Variants in RARB observed in about 807,000 individuals in gnomAD.
RARB encodes the protein HBV-activated protein.
Under a neutral mutation model 51.9 loss-of-function variants are expected in RARB, and 17 were observed. The ratio of observed to expected loss-of-function variants is 0.33; its 90% CI spans 0.22 to 0.49. The LOEUF (loss-of-function observed/expected upper bound fraction) is 0.49, where lower values mean the gene tolerates loss of function less well. Among genes scored for constraint, RARB ranks in the 20% least tolerant of loss-of-function variants. RARB has a pLI of 0.99. For missense variants in RARB, 369 were observed against 550.8 expected (o/e 0.67, Z 3.30); for synonymous variants, 215 against 195.4 (o/e 1.10, Z -0.84).
At chr3:25,484,935 G>A (rs919040692) in intron 2 of RARB, among the ~76,000 whole-genome samples, 1 of 152,050 alleles carries the variant, frequency 6.6e-6, no homozygotes, top group Admixed American at 6.5e-5. Context: ...AGCTGGGAAG[G>A]TTATAAATAT....
At chr3:25,323,691 AG>A (rs1205243888) in intron 5 of RARB, among the ~76,000 whole-genome samples, 1 of 152,228 alleles carries the variant, frequency 6.6e-6, no homozygotes, top group African/African-American at 2.4e-5. Flanking sequence ...TAGATAATGA[AG>A]GGCCACACAT....
intron 7 of RARB, 100 bp downstream of exon 7, chr3:25,594,778 T>C: frequency 8.6e-7 from 1 of 1,162,722 alleles, no homozygotes; most frequent in South Asian, 2.8e-5. Context: ...ATGGCTGCTT[T>C]TAAAGTCTTG....
At chr3:25,340,473 A>G (rs6550962) in intron 5 of RARB, among the ~76,000 whole-genome samples, 19,829 of 152,094 alleles carry the variant, frequency 0.13, 1,374 homozygotes, top group South Asian at 0.2. Flanking sequence ...GAGAGAGGAA[A>G]TAGGAATGCG....
At chr3:25,488,714 G>A (rs1696587106) in intron 2 of RARB, among the ~76,000 whole-genome samples, 1 of 152,230 alleles carries the variant, frequency 6.6e-6, no homozygotes, top group Non-Finnish European at 1.5e-5. Context: ...GGAAATAGAA[G>A]AAGAACAGTA....
chr3:25,016,676 C>T (rs1388875189), intron 2 of RARB, among the ~76,000 whole-genome samples: 1 of 151,986 alleles, frequency 6.6e-6, no homozygotes, highest in Non-Finnish European at 1.5e-5. Context: ...ATTGTGACAC[C>T]CCTCATGGTG....
In RARB at chr3:25,574,079, G is replaced by T. The variant is rs79799211; in HGVS notation, c.609+4161G>T. On this transcript the variant is annotated intron_variant, in intron 4 of 7. Transcript: ENST00000330688. ...TTCCCTGTGGAAAGGTGGAAAGCAG[G>T]AGAGAAGCTATTTATAGATGAGCTT... Among the ~76,000 whole-genome samples the T allele has an allele frequency of 2.7e-3, 406 of 152,270 alleles. 1 individual carries two copies. The highest frequency in any genetic ancestry group is 9.6e-3 in the African/African-American group (399 of 41,552).
chr3:25,193,798 A>G (rs1701161451), intron 5 of RARB, among the ~76,000 whole-genome samples: 1 of 152,036 alleles, frequency 6.6e-6, no homozygotes. Flanking sequence ...GGAGGCAACT[A>G]TATAAACGTG....
intron 5 of RARB, among the ~76,000 whole-genome samples, chr3:25,305,231 A>G (rs1263038814): frequency 3.9e-5 from 6 of 152,078 alleles, no homozygotes; most frequent in African/African-American, 1.4e-4. Context: ...TCTGTTTGCA[A>G]ATGTATCAGT....
At chr3:25,175,598 G>A (rs1314186895) in intron 5 of RARB, among the ~76,000 whole-genome samples, 1 of 152,150 alleles carries the variant, frequency 6.6e-6, no homozygotes, top group East Asian at 1.9e-4. Flanking sequence ...AGAATCCCCG[G>A]TACATTGCCT....
chr3:25,018,780 C>T (rs901465171), intron 2 of RARB, among the ~76,000 whole-genome samples: 5 of 152,198 alleles, frequency 3.3e-5, no homozygotes, highest in African/African-American at 1.2e-4. Context: ...AAAATTGTAT[C>T]ATTCCATCCA....
chr3:25,438,134 G>A (rs1349305897), intron 1 of RARB, among the ~76,000 whole-genome samples: 1 of 152,216 alleles, frequency 6.6e-6, no homozygotes, highest in African/African-American at 2.4e-5. Flanking sequence ...GGTTGTCGGT[G>A]AGAGCTCTAG....
intron 2 of RARB, among the ~76,000 whole-genome samples, chr3:24,881,112 T>G (rs957412234): frequency 6.6e-6 from 1 of 152,202 alleles, no homozygotes. Context: ...GAAAGATGTT[T>G]GGCAGTTCCT....
intron 3 of RARB, among the ~76,000 whole-genome samples, chr3:25,090,173 G>T (rs570203230): frequency 6.6e-6 from 1 of 152,128 alleles, no homozygotes; most frequent in Non-Finnish European, 1.5e-5. Context: ...GAGGGAGCTA[G>T]CTTACCTCTT....
intron 3 of RARB, among the ~76,000 whole-genome samples, chr3:25,110,837 C>A (rs1380149560): frequency 6.6e-6 from 1 of 152,152 alleles, no homozygotes; most frequent in Admixed American, 6.5e-5. Flanking sequence ...CCCCAGGTAT[C>A]AAAATATCTC....
Position 25,197,303 on chromosome 3 carries a change from T to C in RARB, c.178+22728T>C, listed in dbSNP as rs571355369. 1.3e-3 allele frequency among the ~76,000 whole-genome samples: 197 copies of C among 152,198 alleles called. 7 individuals are homozygous for C. The South Asian group carries it at 0.029, about 22-fold the overall frequency. ...GCATATGGCTAGCCAGTTTTCCCAG[T>C]ACCATTTATGAAATAGGGAATCCTT... On this transcript the variant is annotated intron_variant, in intron 5 of 11. Coordinates refer to the RARB transcript ENST00000383772.
intron 2 of RARB, among the ~76,000 whole-genome samples, chr3:24,935,181 T>C (rs1274191660): frequency 6.6e-6 from 1 of 152,162 alleles, no homozygotes; most frequent in East Asian, 1.9e-4. Context: ...TCATATTCTG[T>C]TGCAGGTTTT....
chr3:25,198,238 T>A (rs1315550599), intron 5 of RARB, among the ~76,000 whole-genome samples: 1 of 152,066 alleles, frequency 6.6e-6, no homozygotes, highest in East Asian at 1.9e-4. Context: ...AGAATGAAAC[T>A]AGACCCCTTC....
intron 2 of RARB, among the ~76,000 whole-genome samples, chr3:24,979,007 T>G (rs1043299596): frequency 1.1e-4 from 17 of 152,132 alleles, no homozygotes; most frequent in Non-Finnish European, 1.2e-4. Flanking sequence ...ATTTCATTAT[T>G]TACCCAGTAG....
At chr3:25,116,441 G>A (rs1045072890) in intron 3 of RARB, among the ~76,000 whole-genome samples, 2 of 150,650 alleles carry the variant, frequency 1.3e-5, no homozygotes, top group Admixed American at 6.6e-5. Flanking sequence ...CAAAAAAAAC[G>A]AGTCGAGAAT....
Sources: allele counts gnomAD v4.1 joint callset (sites outside exome capture counted in the v4.1 genomes callset), GRCh38; gene constraint gnomAD v4.1.1; transcripts MANE v1.5; gene names NCBI Gene and HGNC (gene_info 2026-07-23, HGNC 2026-07-21).